The following DPH6 variants were observed in gnomAD, a reference collection of about 807,000 sequenced individuals.
The protein encoded by DPH6 is diphthamine biosynthesis 6.
A neutral mutation model predicts 38.2 loss-of-function variants in DPH6; 33 were observed. The observed-to-expected ratio is 0.86, with a 90% CI of 0.65 to 1.15. The LOEUF is 1.15. DPH6 is among the 50% of genes most tolerant of loss of function. DPH6 has a pLI of 0.00. For missense variants in DPH6, 325 were observed against 320.0 expected (o/e 1.02, Z -0.12); for synonymous variants, 108 against 103.0 (o/e 1.05, Z -0.30).
chr15:35,312,722 TC>T (rs1168034384), intron 3 of DPH6, among the ~76,000 whole-genome samples: 1 of 152,204 alleles, frequency 6.6e-6, no homozygotes, highest in Non-Finnish European at 1.5e-5. Flanking sequence ...GAACTCTATT[TC>T]CTTCTTTTGC....
intron 3 of DPH6, among the ~76,000 whole-genome samples, chr15:35,234,091 CT>C (rs1186750107): frequency 6.6e-6 from 1 of 152,056 alleles, no homozygotes; most frequent in East Asian, 1.9e-4. Flanking sequence ...AGAAAAGTAC[CT>C]GGTATATATG....
chr15:35,355,168 C>G (rs1039931631), intron 3 of DPH6, among the ~76,000 whole-genome samples: 18 of 152,026 alleles, frequency 1.2e-4, no homozygotes, highest in African/African-American at 4.3e-4. Flanking sequence ...TTACTTTGAG[C>G]CTATGTGTGT....
Position 35,372,095 on chromosome 15 carries a change from T to C in DPH6, c.*55A>G, listed in dbSNP as rs866379523. 9.4e-6 allele frequency: 14 copies of C among 1,485,700 alleles called. 1 individual carries two copies. The highest frequency in any genetic ancestry group is 2.8e-5 in the South Asian group (2 of 71,260). The allele number at this position is 1,485,700 out of a possible 1,614,324, so 92.0% of individuals were successfully genotyped here. A position where few individuals can be genotyped will look rare whatever the true frequency, so the allele number is the denominator to read the frequency against. The stretch of plus-strand genomic sequence containing the variant: ...AGTCATAGTAACTGAGAAAATACTA[T>C]GCAATTTTTTTGTATAGAAATGGTG... On this transcript the variant is annotated 3_prime_UTR_variant, in exon 9 of 9. Transcript: ENST00000256538.
At chr15:35,455,910 A>G (rs558686600) in intron 3 of DPH6, among the ~76,000 whole-genome samples, 67 of 152,332 alleles carry the variant, frequency 4.4e-4, no homozygotes, top group South Asian at 1.7e-3. Flanking sequence ...ACAAAAGTTA[A>G]TATTTCAAGT....
At chr15:35,385,762 A>G (rs1053893710) in intron 6 of DPH6, among the ~76,000 whole-genome samples, 1 of 152,202 alleles carries the variant, frequency 6.6e-6, no homozygotes, top group Non-Finnish European at 1.5e-5. Context: ...TTAAAGTATA[A>G]TAATAATAAA....
At chr15:35,273,309 T>A (rs1360244873) in intron 3 of DPH6, among the ~76,000 whole-genome samples, 2 of 152,124 alleles carry the variant, frequency 1.3e-5, no homozygotes, top group Non-Finnish European at 2.9e-5. Context: ...TTCTCACGCT[T>A]TCCTGAGTCC....
chr15:35,351,720 CTTTTT>C (rs758678929), intron 3 of DPH6, among the ~76,000 whole-genome samples: 1 of 136,394 alleles, frequency 7.3e-6, no homozygotes, highest in Non-Finnish European at 1.6e-5. Flanking sequence ...TGTCAGACTT[CTTTTT>C]TTTTTTTTTT....
intron 5 of DPH6, among the ~76,000 whole-genome samples, chr15:35,443,671 C>A (rs1395278309): frequency 6.6e-6 from 1 of 152,140 alleles, no homozygotes; most frequent in African/African-American, 2.4e-5. Context: ...GAAATGTAAA[C>A]AGATACCTCT....
intron 3 of DPH6, chr15:35,365,851 G>A (rs1231333603): frequency 1.1e-5 from 11 of 985,090 alleles, no homozygotes; most frequent in Non-Finnish European, 1.2e-5. Context: ...CAGTGACCCA[G>A]CAGTACCTAC....
intron 3 of DPH6, among the ~76,000 whole-genome samples, chr15:35,356,717 C>T (rs1290710882): frequency 8.5e-5 from 13 of 152,280 alleles, no homozygotes; most frequent in African/African-American, 1.4e-4. Flanking sequence ...CCCAGTTAGG[C>T]TACTCGGGGG....
downstream of DPH6, among the ~76,000 whole-genome samples, chr15:35,215,896 G>T (rs2051408944): frequency 6.6e-6 from 1 of 152,204 alleles, no homozygotes; most frequent in South Asian, 2.1e-4. Flanking sequence ...TTATAAGGAT[G>T]TTTGATGGCA....
chr15:35,184,859 T>C, the DPH6 span, among the ~76,000 whole-genome samples: 3 of 152,202 alleles, frequency 2.0e-5, no homozygotes, highest in African/African-American at 7.2e-5. Flanking sequence ...GTCAGCATTT[T>C]ACCACGCAAT....
intron 3 of DPH6, among the ~76,000 whole-genome samples, chr15:35,312,898 T>C (rs926657795): frequency 1.3e-5 from 2 of 152,166 alleles, no homozygotes; most frequent in African/African-American, 4.8e-5. Context: ...TTTATACCAC[T>C]ACCATGTAGA....
At chr15:35,490,486 A>G (rs1026531209) in intron 3 of DPH6, among the ~76,000 whole-genome samples, 1 of 152,164 alleles carries the variant, frequency 6.6e-6, no homozygotes, top group Non-Finnish European at 1.5e-5. Context: ...ATACAAAAGA[A>G]TATTTTCTTG....
At chr15:35,430,945 T>C (rs570357762) in intron 5 of DPH6, among the ~76,000 whole-genome samples, 68 of 152,284 alleles carry the variant, frequency 4.5e-4, no homozygotes, top group African/African-American at 1.5e-3. Context: ...CAGTGGCTTT[T>C]ATGAGCCTGT....
At chr15:35,221,457 T>A (rs1465240023) in intron 3 of DPH6, among the ~76,000 whole-genome samples, 1 of 152,094 alleles carries the variant, frequency 6.6e-6, no homozygotes, top group Non-Finnish European at 1.5e-5. Flanking sequence ...GTCTCAAGGG[T>A]CTCTGAGGTA....
chr15:35,148,690 T>C, the DPH6 span, among the ~76,000 whole-genome samples: 6 of 152,214 alleles, frequency 3.9e-5, no homozygotes, highest in Admixed American at 2.6e-4. Flanking sequence ...CTGCTGAAAT[T>C]AGAACCCAGG....
intron 3 of DPH6, chr15:35,489,938 G>T (rs1461602845): frequency 1.0e-6 from 1 of 977,254 alleles, no homozygotes; most frequent in African/African-American, 1.8e-5. Flanking sequence ...GTATCAAAAA[G>T]AAACTATTTT....
chr15:35,449,022 T>C (rs1444343653), intron 5 of DPH6, among the ~76,000 whole-genome samples: 6 of 6,146 alleles, frequency 9.8e-4, no homozygotes, highest in Non-Finnish European at 6.1e-3. Context: ...AAAAGTCCCT[T>C]TTTTTTGGCT....
Sources: allele counts gnomAD v4.1 joint callset (sites outside exome capture counted in the v4.1 genomes callset), GRCh38; gene constraint gnomAD v4.1.1; transcripts MANE v1.5; gene names NCBI Gene and HGNC (gene_info 2026-07-23, HGNC 2026-07-21).